Variants in ARHGAP24 observed in about 807,000 individuals in gnomAD.
ARHGAP24 encodes rho GTPase-activating protein 24.
ARHGAP24 carries 50 observed loss-of-function variants against 76.4 expected under a neutral mutation model. The observed-to-expected ratio is 0.65, with a 90% CI of 0.52 to 0.83. ARHGAP24 has a LOEUF of 0.83. ARHGAP24 is among the 40% of genes least tolerant of loss of function. The probability of loss-of-function intolerance (pLI) is 0.00; values close to 1 mark genes in which losing one functional copy is unlikely to be tolerated. For synonymous variants in ARHGAP24, 345 were observed against 323.3 expected (o/e 1.07, Z -0.72); for missense variants, 930 against 914.2 (o/e 1.02, Z -0.22).
rs1365386355 is a variant in ARHGAP24 at position 85,942,416 on chromosome 4, T to C, written c.599+143T>C. 6.9e-6 allele frequency: 7 copies of C among 1,017,750 alleles called. No individual in the cohort carries two copies. The East Asian group carries it at 1.8e-4, about 26-fold the overall frequency. The allele number at this position is 1,017,750 out of a possible 1,614,324, so 63.0% of individuals were successfully genotyped here. On this transcript the variant is annotated intron_variant, in intron 5 of 9. Coordinates refer to ENST00000395184, the MANE Select transcript of ARHGAP24 (RefSeq NM_001025616.3). ...TATTTGGCCACAGGAGTTTGCATTG[T>C]TTCTATTAAGTTACAAAGTCAAAAA...
intron 3 of ARHGAP24, among the ~76,000 whole-genome samples, chr4:85,860,670 C>T (rs1054785442): frequency 1.3e-5 from 2 of 151,938 alleles, no homozygotes; most frequent in African/African-American, 4.8e-5. Context: ...TAATAGTGTA[C>T]CCCAGGTGCA....
At chr4:85,676,958 A>C (rs535125989) in intron 2 of ARHGAP24, among the ~76,000 whole-genome samples, 1 of 152,322 alleles carries the variant, frequency 6.6e-6, no homozygotes, top group Admixed American at 6.5e-5. Flanking sequence ...AAGCAAGCAG[A>C]GCCACTGCCT....
At chr4:85,725,257 C>T (rs1725124749) in intron 3 of ARHGAP24, among the ~76,000 whole-genome samples, 1 of 152,138 alleles carries the variant, frequency 6.6e-6, no homozygotes, top group African/African-American at 2.4e-5. Flanking sequence ...TTACTGTATA[C>T]CTAACACCTG....
chr4:85,857,824 G>A (rs1361413844), intron 3 of ARHGAP24, among the ~76,000 whole-genome samples: 1 of 152,098 alleles, frequency 6.6e-6, no homozygotes, highest in Non-Finnish European at 1.5e-5. Flanking sequence ...GCAGGTTAGT[G>A]AGCATGGTAG....
Position 85,663,551 on chromosome 4 carries a change from C to G in ARHGAP24, c.181-58334C>G, listed in dbSNP as rs1003876064. 7.4e-3 allele frequency among the ~76,000 whole-genome samples: 1,104 copies of G among 148,736 alleles called. 23 individuals carry two copies. Among genetic ancestry groups the G allele is most frequent in the African/African-American group, 0.026 (1,034 of 39,596 alleles). On this transcript the variant is annotated intron_variant, in intron 2 of 9. Coordinates refer to ENST00000395184, the MANE Select transcript of ARHGAP24 (RefSeq NM_001025616.3). The stretch of plus-strand genomic sequence containing the variant: ...ATTGCCCTGGCCAGAACTTCCAACA[C>G]TATGTTGAATAGGAGTGGTGAGAGA...
chr4:85,661,980 G>A (rs1471457775), intron 2 of ARHGAP24, among the ~76,000 whole-genome samples: 3 of 152,150 alleles, frequency 2.0e-5, no homozygotes, highest in Non-Finnish European at 4.4e-5. Flanking sequence ...GTAAACATAC[G>A]TGTGCATGTG....
chr4:85,731,788 G>A (rs148957271), intron 3 of ARHGAP24, among the ~76,000 whole-genome samples: 41 of 152,212 alleles, frequency 2.7e-4, no homozygotes, highest in African/African-American at 9.1e-4. Context: ...ATTTGAGATG[G>A]TGGATATGCA....
At position 85,655,766 on chromosome 4, in the gene ARHGAP24, C is replaced by CAT. The variant is rs370571889; in HGVS notation, c.181-66093_181-66092dup. On this transcript the variant is annotated intron_variant, in intron 2 of 9. Coordinates refer to ENST00000395184, the MANE Select transcript of ARHGAP24 (RefSeq NM_001025616.3). ...CAGCCTGGGTGACAGAGTGAGACTC[C>CAT]ATATATATATATATATATATATATA... 6.5e-4 allele frequency among the ~76,000 whole-genome samples: 45 copies of CAT among 69,052 alleles called. 1 individual carries two copies. The highest frequency in any genetic ancestry group is 3.0e-3 in the African/African-American group (30 of 9,982). 45.3% of individuals were successfully genotyped at this position (69,052 alleles called of 152,430 possible).
rs1186400300 is a variant in ARHGAP24, at chr4:86,000,739, T to C, written c.*17T>C. The C allele has an allele frequency of 6.2e-7, 1 of 1,613,464 alleles. No homozygotes were observed. The highest frequency in any genetic ancestry group is 8.5e-7 in the Non-Finnish European group (1 of 1,179,602). ...ATTCAGTGAGCCTGCTTTCGCCTGC[T>C]GTCTCTGATGGCTCTGGCAAGGACT... On this transcript the variant is annotated 3_prime_UTR_variant, in exon 10 of 10. Coordinates refer to ENST00000395184, the MANE Select transcript of ARHGAP24 (RefSeq NM_001025616.3).
At chr4:85,869,009 T>G (rs1344634485) in intron 3 of ARHGAP24, among the ~76,000 whole-genome samples, 1 of 151,742 alleles carries the variant, frequency 6.6e-6, no homozygotes, top group African/African-American at 2.4e-5. Flanking sequence ...TTTTGATACA[T>G]GTACAACTAT....
intron 2 of ARHGAP24, among the ~76,000 whole-genome samples, chr4:85,699,377 T>G (rs1480487138): frequency 1.3e-5 from 2 of 152,216 alleles, no homozygotes; most frequent in Non-Finnish European, 1.5e-5. Flanking sequence ...AAAAATCACT[T>G]GAGCCCAGGC....
At chr4:85,847,509 G>C (rs1359616565) in intron 3 of ARHGAP24, among the ~76,000 whole-genome samples, 1 of 152,156 alleles carries the variant, frequency 6.6e-6, no homozygotes, top group Non-Finnish European at 1.5e-5. Flanking sequence ...ACGGGTGGAG[G>C]AAAGTGTTCT....
At chr4:85,509,481 A>G (rs1193660473) in intron 1 of ARHGAP24, among the ~76,000 whole-genome samples, 1 of 152,158 alleles carries the variant, frequency 6.6e-6, no homozygotes, top group Non-Finnish European at 1.5e-5. Flanking sequence ...TTGAAAATAT[A>G]TGTAATGTGT....
chr4:85,798,917 A>C (rs1259957679), intron 3 of ARHGAP24, among the ~76,000 whole-genome samples: 1 of 152,190 alleles, frequency 6.6e-6, no homozygotes, highest in Non-Finnish European at 1.5e-5. Context: ...AAAATGAAAG[A>C]TATTTTAATA....
intron 3 of ARHGAP24, among the ~76,000 whole-genome samples, chr4:85,795,398 G>A (rs1426339283): frequency 1.3e-5 from 2 of 152,066 alleles, no homozygotes; most frequent in Non-Finnish European, 2.9e-5. Context: ...CACCCTGCTT[G>A]TTTGGGTTTT....
Position 85,791,619 on chromosome 4 carries a change from C to A in ARHGAP24, c.268+69647C>A, listed in dbSNP as rs370910200. ...CACTTCCATGTAGAAGATTTAGGTG[C>A]AATGATTGGGGTCATCGTGTGCCCT... is the stretch of plus-strand genomic sequence containing the variant. On this transcript the variant is annotated intron_variant, in intron 3 of 9. Transcript: ENST00000395184. Among the ~76,000 whole-genome samples the A allele has an allele frequency of 3.9e-5, 6 of 152,120 alleles. No homozygotes were observed. In the South Asian group the frequency reaches 1.2e-3, roughly 32 times the overall value.
At chr4:85,856,732 A>T (rs1425862285) in intron 3 of ARHGAP24, among the ~76,000 whole-genome samples, 2 of 152,102 alleles carry the variant, frequency 1.3e-5, no homozygotes, top group African/African-American at 2.4e-5. Context: ...GGCCTCCTAA[A>T]GTTCTAGGAC....
chr4:85,926,034 C>T (rs1046568584), intron 4 of ARHGAP24, among the ~76,000 whole-genome samples: 7 of 142,306 alleles, frequency 4.9e-5, no homozygotes, highest in Non-Finnish European at 1.1e-4. Flanking sequence ...CCTCTTCCAT[C>T]TGTGACTTCC....
intron 3 of ARHGAP24, among the ~76,000 whole-genome samples, chr4:85,801,285 C>T (rs1313534546): frequency 1.3e-5 from 2 of 152,032 alleles, no homozygotes; most frequent in African/African-American, 4.8e-5. Flanking sequence ...ACAAATAGTG[C>T]TTTATGTTGT....
Sources: gnomAD v4.1 joint callset for allele counts (sites outside exome capture counted in the v4.1 genomes callset) on GRCh38, gnomAD v4.1.1 for gene constraint, MANE v1.5 for transcripts, NCBI Gene and HGNC (gene_info 2026-07-23, HGNC 2026-07-21) for gene names.